Variants in HERPUD2 observed in about 807,000 individuals in gnomAD.
The protein encoded by HERPUD2 is HERPUD family member 2.
HERPUD2 carries 13 observed loss-of-function variants against 49.9 expected under a neutral mutation model. The ratio of observed to expected loss-of-function variants is 0.26; its 90% CI spans 0.17 to 0.41. HERPUD2 has a LOEUF of 0.41. Among genes scored for constraint, HERPUD2 ranks in the 10% least tolerant of loss-of-function variants. The pLI, the probability that HERPUD2 is intolerant of heterozygous loss-of-function variation, is 1.00. For missense variants in HERPUD2, 449 were observed against 492.2 expected (o/e 0.91, Z 0.83); for synonymous variants, 172 against 171.4 (o/e 1.00, Z -0.03).
At position 35,694,322 on chromosome 7, in the gene HERPUD2, T is replaced by C. The variant is rs773484773; in HGVS notation, c.9A>G (p.Gln3=). The stretch of plus-strand genomic sequence containing the variant: ...GGGTCACAGGAATCTCCATCCCACT[T>C]TGGTCCATGGTGCCCCCAAAGTCAG... MD[Q]SGMEIPVTLI... Residue 3 remains glutamine, a synonymous_variant, in exon 2 of 9, where the codon CAA becomes CAG. Transcript: ENST00000311350. 9.9e-6 allele frequency: 16 copies of C among 1,614,038 alleles called. No homozygotes were observed. The highest frequency in any genetic ancestry group is 1.3e-5 in the African/African-American group (1 of 74,944).
intron 5 of HERPUD2, among the ~76,000 whole-genome samples, chr7:35,649,399 A>C (rs752959643): frequency 3.2e-4 from 48 of 152,222 alleles, no homozygotes; most frequent in Non-Finnish European, 6.6e-4. Flanking sequence ...ATAGTTACTA[A>C]AACGTTAGTA....
In HERPUD2 at chr7:35,667,566, GTT is replaced by G; in HGVS notation, c.360_361del (p.Thr121AsnfsTer31). ...GGTTTCTTGACCAGATGATGGAGTT[GTT>G]GATCCTGAATGATCTGAACTCTACA... On this transcript the variant is annotated frameshift_variant, in exon 5 of 9. Transcript: ENST00000311350. LOFTEE classifies it high-confidence loss of function. 1 of 1,613,236 alleles carries G rather than the reference GTT, an allele frequency of 6.2e-7. No individual in the cohort carries two copies. Among genetic ancestry groups the G allele is most frequent in the Non-Finnish European group, 8.5e-7 (1 of 1,179,250 alleles).
intron 5 of HERPUD2, among the ~76,000 whole-genome samples, chr7:35,648,577 T>C (rs1785098736): frequency 6.6e-6 from 1 of 152,230 alleles, no homozygotes; most frequent in African/African-American, 2.4e-5. Context: ...CTCTCAATGC[T>C]GCTGACCTGT....
intron 5 of HERPUD2, among the ~76,000 whole-genome samples, chr7:35,644,497 G>A (rs1785016599): frequency 6.6e-6 from 1 of 152,240 alleles, no homozygotes; most frequent in South Asian, 2.1e-4. Flanking sequence ...GCCAGGGGCA[G>A]TGGCTCATGC....
At chr7:35,644,568 G>A (rs1031667974) in intron 5 of HERPUD2, among the ~76,000 whole-genome samples, 2 of 152,186 alleles carry the variant, frequency 1.3e-5, no homozygotes, top group African/African-American at 4.8e-5. Context: ...AGGAGTTGGA[G>A]ACCAGCCTGG....
chr7:35,655,677 G>A (rs187971522), intron 5 of HERPUD2, among the ~76,000 whole-genome samples: 317 of 152,238 alleles, frequency 2.1e-3, no homozygotes, highest in Non-Finnish European at 3.4e-3. Context: ...ACAGTACTGG[G>A]AGTCCTAGCC....
At chr7:35,694,134 C>T in intron 2 of HERPUD2, 50 bp downstream of exon 2, 1 of 1,606,252 alleles carries the variant, frequency 6.2e-7, no homozygotes, top group South Asian at 1.1e-5. Flanking sequence ...GGGTACACGG[C>T]ACGAAAAGCT....
intron 2 of HERPUD2, among the ~76,000 whole-genome samples, chr7:35,687,326 CA>C (rs1490478886): frequency 6.6e-6 from 1 of 152,112 alleles, no homozygotes; most frequent in East Asian, 1.9e-4. Flanking sequence ...TTGGCCTCTC[CA>C]TTACCACCAC....
Position 35,632,738 on chromosome 7 carries a change from T to C in HERPUD2, c.*952A>G, listed in dbSNP as rs1478378950. 6.6e-6 allele frequency: 1 copy of C among 152,634 alleles called. No individual in the cohort carries two copies. Among genetic ancestry groups the C allele is most frequent in the Admixed American group, 6.5e-5 (1 of 15,276 alleles). 9.5% of individuals were successfully genotyped at this position (152,634 alleles called of 1,614,324 possible). Reference sequence around the variant, plus strand: ...TCTTTTTTTATAAAAGTACTGCCTATATCAAACATTTTATATCACGTTAAT... The same window carrying C: ...TCTTTTTTTATAAAAGTACTGCCTACATCAAACATTTTATATCACGTTAAT... On this transcript the variant is annotated 3_prime_UTR_variant, in exon 9 of 9. Coordinates refer to ENST00000311350, the MANE Select transcript of HERPUD2 (RefSeq NM_022373.5).
intron 5 of HERPUD2, among the ~76,000 whole-genome samples, chr7:35,653,901 GAGGCAGA>G (rs1243641319): frequency 6.6e-6 from 1 of 152,182 alleles, no homozygotes; most frequent in Non-Finnish European, 1.5e-5. Flanking sequence ...TCAGGAGGCT[GAGGCAGA>G]AGGACTGTTT....
chr7:35,684,184 A>C (rs1350735710), intron 2 of HERPUD2, among the ~76,000 whole-genome samples: 2 of 152,206 alleles, frequency 1.3e-5, no homozygotes, highest in African/African-American at 4.8e-5. Flanking sequence ...CAGGAGATCA[A>C]CACCACCCTG....
intron 5 of HERPUD2, among the ~76,000 whole-genome samples, chr7:35,666,274 C>T (rs1785534318): frequency 6.6e-6 from 1 of 152,226 alleles, no homozygotes; most frequent in South Asian, 2.1e-4. Context: ...CTCATCTAAA[C>T]ATTTATTTTG....
intron 2 of HERPUD2, among the ~76,000 whole-genome samples, chr7:35,689,070 C>CTTTTTAACATA (rs1786128109): frequency 6.6e-6 from 1 of 152,000 alleles, no homozygotes; most frequent in Admixed American, 6.6e-5. Context: ...ACAATCAAAG[C>CTTTTTAACATA]AGAATTTATT....
intron 3 of HERPUD2, among the ~76,000 whole-genome samples, chr7:35,672,767 T>A (rs930644820): frequency 1.3e-5 from 2 of 152,090 alleles, no homozygotes; most frequent in African/African-American, 4.8e-5. Context: ...CCACAAAGTT[T>A]GCTAACTGAT....
chr7:35,643,835 A>T (rs924702477), intron 5 of HERPUD2, among the ~76,000 whole-genome samples: 4 of 141,962 alleles, frequency 2.8e-5, no homozygotes, highest in Admixed American at 1.4e-4. Flanking sequence ...GAAAGCTGTT[A>T]AAAAAAAAAA....
intron 5 of HERPUD2, among the ~76,000 whole-genome samples, chr7:35,659,688 G>A (rs1249560182): frequency 2.0e-5 from 3 of 152,038 alleles, no homozygotes; most frequent in African/African-American, 7.2e-5. Context: ...GCTGGCTCCA[G>A]AATCTGTATA....
chr7:35,676,557 C>T (rs918663757), intron 2 of HERPUD2, among the ~76,000 whole-genome samples: 1 of 152,152 alleles, frequency 6.6e-6, no homozygotes, highest in African/African-American at 2.4e-5. Context: ...GCTCCAGGAT[C>T]CATGATTCAT....
chr7:35,670,722 A>G (rs964273887), intron 3 of HERPUD2, among the ~76,000 whole-genome samples: 11 of 152,138 alleles, frequency 7.2e-5, no homozygotes, highest in African/African-American at 2.4e-4. Flanking sequence ...AAATAAACTC[A>G]AATAACTTCA....
At chr7:35,651,048 A>G (rs1785156034) in intron 5 of HERPUD2, among the ~76,000 whole-genome samples, 1 of 152,158 alleles carries the variant, frequency 6.6e-6, no homozygotes, top group African/African-American at 2.4e-5. Flanking sequence ...ACCACAGCAG[A>G]CACCCATGTG....
Sources: gnomAD v4.1 joint callset for allele counts (sites outside exome capture counted in the v4.1 genomes callset) on GRCh38, gnomAD v4.1.1 for gene constraint, MANE v1.5 for transcripts, NCBI Gene and HGNC (gene_info 2026-07-23, HGNC 2026-07-21) for gene names.